The following CADPS variants were observed in gnomAD, a reference collection of about 807,000 sequenced individuals.
CADPS encodes the protein calcium dependent secretion activator, also known as calcium-dependent secretion activator 1.
A neutral mutation model predicts 167.3 loss-of-function variants in CADPS; 57 were observed. That is an observed-to-expected ratio of 0.34 (90% CI 0.28 to 0.42). The LOEUF (loss-of-function observed/expected upper bound fraction) is 0.42. Among genes scored for constraint, CADPS ranks in the 20% least tolerant of loss-of-function variants. The probability of loss-of-function intolerance (pLI) is 1.00; values close to 1 mark genes in which losing one functional copy is unlikely to be tolerated. For synonymous variants in CADPS, 676 were observed against 635.3 expected (o/e 1.06, Z -0.96); for missense variants, 1,414 against 1,738.1 (o/e 0.81, Z 3.32).
intron 20 of CADPS, among the ~76,000 whole-genome samples, 181 bp downstream of exon 20, chr3:62,492,109 A>G (rs943672203): frequency 3.3e-5 from 5 of 152,172 alleles, no homozygotes; most frequent in African/African-American, 1.2e-4. Flanking sequence ...AGAACAGGAT[A>G]CTTTTTGGAA....
Position 62,875,084 on chromosome 3 carries a change from G to C in CADPS, c.-55C>G. On this transcript the variant is annotated 5_prime_UTR_variant, in exon 1 of 30. Coordinates refer to ENST00000383710, the MANE Select transcript of CADPS (RefSeq NM_003716.4). ...GCCCCCGGCTTGGAGTGCAAAAGGTGGGGGGCGCTGGAGGCAGCCGGGGAT... is the reference window on the plus strand; with the variant it reads ...GCCCCCGGCTTGGAGTGCAAAAGGTCGGGGGCGCTGGAGGCAGCCGGGGAT... 4.6e-6 allele frequency: 7 copies of C among 1,509,390 alleles called. No homozygotes were observed. The highest frequency in any genetic ancestry group is 6.2e-6 in the Non-Finnish European group (7 of 1,122,730). 93.5% of individuals were successfully genotyped at this position (1,509,390 alleles called of 1,614,324 possible). A position where few individuals can be genotyped will look rare whatever the true frequency, so the allele number is the denominator to read the frequency against.
chr3:62,566,665 T>G (rs2080273778), intron 9 of CADPS, among the ~76,000 whole-genome samples: 1 of 152,150 alleles, frequency 6.6e-6, no homozygotes, highest in African/African-American at 2.4e-5. Flanking sequence ...TAGATATTGT[T>G]GTGGTGAATA....
In CADPS at chr3:62,465,406, A is replaced by G; in HGVS notation, c.3597T>C (p.Tyr1199=). The part of the protein sequence containing the change: ...LEGVLAKLSR[Y]DEGTLFSSFL... ...AAGAAGAAAACAAAGTCCCTTCGTCATATCTGGATAATTTTGCCAGCACTC... is the reference window on the plus strand; with the variant it reads ...AAGAAGAAAACAAAGTCCCTTCGTCGTATCTGGATAATTTTGCCAGCACTC... Residue 1199 remains tyrosine (Y), a synonymous_variant, in exon 26 of 30, where the codon TAT becomes TAC. Coordinates refer to ENST00000383710, the MANE Select transcript of CADPS (RefSeq NM_003716.4). The surrounding 1 kb of genome is among the most constrained non-coding windows in gnomAD (Gnocchi z 4.1). The G allele has an allele frequency of 5.0e-6, 8 of 1,610,860 alleles. No individual in the cohort carries two copies. The highest frequency in any genetic ancestry group is 6.8e-6 in the Non-Finnish European group (8 of 1,178,726).
intron 3 of CADPS, among the ~76,000 whole-genome samples, chr3:62,683,993 T>G (rs1221028684): frequency 6.6e-6 from 1 of 152,026 alleles, no homozygotes; most frequent in Non-Finnish European, 1.5e-5. Context: ...GTTTCCAGAT[T>G]TCTTTACTGT....
intron 9 of CADPS, among the ~76,000 whole-genome samples, chr3:62,565,959 T>C (rs1020604698): frequency 1.3e-5 from 2 of 152,014 alleles, no homozygotes; most frequent in Non-Finnish European, 2.9e-5. Flanking sequence ...AGGAGACTAA[T>C]GTTGGATGTC....
intron 3 of CADPS, among the ~76,000 whole-genome samples, chr3:62,727,844 C>T (rs1229515251): frequency 6.6e-6 from 1 of 151,726 alleles, no homozygotes; most frequent in Non-Finnish European, 1.5e-5. Context: ...TCACTTATAC[C>T]CAGAGTGACA....
At chr3:62,480,132 A>T (rs2150793882) in intron 22 of CADPS, among the ~76,000 whole-genome samples, 1 of 152,130 alleles carries the variant, frequency 6.6e-6, no homozygotes, top group African/African-American at 2.4e-5. Context: ...TATTTTTAAG[A>T]TAAACTGTTA....
At chr3:62,628,451 G>A (rs2064548278) in intron 6 of CADPS, among the ~76,000 whole-genome samples, 1 of 152,010 alleles carries the variant, frequency 6.6e-6, no homozygotes, top group East Asian at 1.9e-4. Flanking sequence ...AATATGCTTT[G>A]TACTGATAGT....
At chr3:62,801,781 C>A (rs2093780125) in intron 1 of CADPS, among the ~76,000 whole-genome samples, 1 of 132,780 alleles carries the variant, frequency 7.5e-6, no homozygotes, top group African/African-American at 2.5e-5. Flanking sequence ...CTGAGTGAAG[C>A]TACTTTGTTC....
At chr3:62,550,173 A>C (rs911261166) in intron 10 of CADPS, 58 bp from the exon 11 acceptor site, 6 of 1,422,480 alleles carry the variant, frequency 4.2e-6, no homozygotes, top group Non-Finnish European at 5.9e-6. Flanking sequence ...TCTCAACTGG[A>C]CTCAGCCTTT....
chr3:62,449,416 G>A (rs921413299), intron 26 of CADPS, among the ~76,000 whole-genome samples: 8 of 152,328 alleles, frequency 5.3e-5, no homozygotes, highest in East Asian at 1.9e-4. Flanking sequence ...GTAGCAGAGC[G>A]GAGAAATTGA....
chr3:62,576,377 A>G (rs946321928), intron 8 of CADPS, among the ~76,000 whole-genome samples: 24 of 152,210 alleles, frequency 1.6e-4, no homozygotes, highest in Non-Finnish European at 3.2e-4. Context: ...GTTACTTTAT[A>G]GAGTTCTTGT....
chr3:62,428,896 C>T (rs2053348195), intron 28 of CADPS, among the ~76,000 whole-genome samples: 1 of 152,220 alleles, frequency 6.6e-6, no homozygotes, highest in Admixed American at 6.5e-5. Flanking sequence ...TGCTGCTCAA[C>T]ATCCTTTAAT....
intron 3 of CADPS, among the ~76,000 whole-genome samples, chr3:62,745,713 A>T (rs1030526737): frequency 6.6e-6 from 1 of 152,198 alleles, no homozygotes; most frequent in Non-Finnish European, 1.5e-5. Context: ...GAAAAAAATG[A>T]CCAAACATGC....
At chr3:62,852,759 C>G (rs1162084227) in intron 1 of CADPS, among the ~76,000 whole-genome samples, 1 of 152,198 alleles carries the variant, frequency 6.6e-6, no homozygotes, top group African/African-American at 2.4e-5. Context: ...CCACCTCCCT[C>G]CAGGAGTTTT....
At chr3:62,671,647 C>T (rs1212624310) in intron 3 of CADPS, among the ~76,000 whole-genome samples, 1 of 152,150 alleles carries the variant, frequency 6.6e-6, no homozygotes, top group Non-Finnish European at 1.5e-5. Context: ...AGCAGTTCTC[C>T]CTCCTGGCTG....
intron 1 of CADPS, among the ~76,000 whole-genome samples, chr3:62,843,614 C>G (rs1056128398): frequency 6.6e-6 from 1 of 151,988 alleles, no homozygotes; most frequent in Admixed American, 6.6e-5. Context: ...TTATGTTGCT[C>G]CATTTTCAAA....
chr3:62,479,564 C>T (rs2061715668), intron 22 of CADPS, among the ~76,000 whole-genome samples: 1 of 152,266 alleles, frequency 6.6e-6, no homozygotes, highest in Non-Finnish European at 1.5e-5. Context: ...ACAGCTACTG[C>T]AGGGCGGGGA....
intron 8 of CADPS, among the ~76,000 whole-genome samples, chr3:62,578,359 C>T (rs1209414246): frequency 6.6e-6 from 1 of 151,808 alleles, no homozygotes; most frequent in African/African-American, 2.4e-5. Context: ...GCCTGTAATC[C>T]CAGCACTTTG....
Sources: gnomAD v4.1 joint callset for allele counts (sites outside exome capture counted in the v4.1 genomes callset) on GRCh38, gnomAD v4.1.1 for gene constraint, Gnocchi (gnomAD v3.1) non-coding constraint, MANE v1.5 for transcripts, NCBI Gene and HGNC (gene_info 2026-07-23, HGNC 2026-07-21) for gene names.